Variants in EIF3H observed in about 807,000 individuals in gnomAD.
The protein encoded by EIF3H is eIF-3-gamma.
In EIF3H, 26 loss-of-function variants were observed where a neutral mutation model predicts 44.2. The observed-to-expected ratio is 0.59, with a 90% CI of 0.43 to 0.82. The LOEUF (loss-of-function observed/expected upper bound fraction) is 0.82, where lower values mean the gene tolerates loss of function less well. EIF3H is among the 40% of genes least tolerant of loss of function. The pLI is 0.00. For synonymous variants in EIF3H, 166 were observed against 151.9 expected (o/e 1.09, Z -0.68); for missense variants, 359 against 432.8 (o/e 0.83, Z 1.51).
At position 116,743,318 on chromosome 8, in the gene EIF3H, T is replaced by C. The variant is rs1393118199; in HGVS notation, c.132+12348A>G. On this transcript the variant is annotated intron_variant, in intron 1 of 7. Coordinates refer to ENST00000521861, the MANE Select transcript of EIF3H (RefSeq NM_003756.3). ...AAATAAAAAAATTAGCCAGGCAAGG[T>C]TGCACACACCTATAGTCCCAGCTAC... is the stretch of plus-strand genomic sequence containing the variant. Among the ~76,000 whole-genome samples the C allele has an allele frequency of 5.3e-5, 8 of 151,912 alleles. No individual in the cohort carries two copies. The East Asian group carries it at 1.6e-3, about 29-fold the overall frequency.
At chr8:116,727,129 G>A (rs1232184279) in intron 1 of EIF3H, among the ~76,000 whole-genome samples, 1 of 152,124 alleles carries the variant, frequency 6.6e-6, no homozygotes, top group African/African-American at 2.4e-5. Flanking sequence ...GAAGTAATGG[G>A]TGGGCCAGGC....
At chr8:116,734,505 C>G (rs1466742746) in intron 1 of EIF3H, among the ~76,000 whole-genome samples, 1 of 152,146 alleles carries the variant, frequency 6.6e-6, no homozygotes, top group Non-Finnish European at 1.5e-5. Context: ...GATACACGTT[C>G]ACGTTTTTAC....
At chr8:116,660,677 G>A (rs904885614) in intron 2 of EIF3H, among the ~76,000 whole-genome samples, 4 of 152,096 alleles carry the variant, frequency 2.6e-5, no homozygotes, top group Non-Finnish European at 5.9e-5. Context: ...CAGTTTAAGT[G>A]CCTGTTTTGA....
chr8:116,666,847 A>C (rs1563636871), intron 2 of EIF3H, among the ~76,000 whole-genome samples: 1 of 151,952 alleles, frequency 6.6e-6, no homozygotes, highest in African/African-American at 2.4e-5. Context: ...TATTAGATTA[A>C]TGTTAGCAGA....
intron 2 of EIF3H, among the ~76,000 whole-genome samples, chr8:116,682,420 C>CT (rs1398632013): frequency 6.6e-6 from 1 of 152,166 alleles, no homozygotes; most frequent in Non-Finnish European, 1.5e-5. Flanking sequence ...TCTTGCTTTA[C>CT]TTTTACACAG....
chr8:116,715,478 G>A (rs1814647088), intron 2 of EIF3H, among the ~76,000 whole-genome samples: 1 of 151,992 alleles, frequency 6.6e-6, no homozygotes. Flanking sequence ...CTGAATTTTA[G>A]GAGTACAAGG....
At chr8:116,681,393 C>A (rs1369135078) in intron 2 of EIF3H, among the ~76,000 whole-genome samples, 1 of 151,438 alleles carries the variant, frequency 6.6e-6, no homozygotes. Flanking sequence ...TATGACCGGG[C>A]ACAGTGGCTC....
upstream of EIF3H, among the ~76,000 whole-genome samples, chr8:116,758,671 A>G (rs953836464): frequency 1.3e-5 from 2 of 152,216 alleles, no homozygotes; most frequent in Non-Finnish European, 2.9e-5. Context: ...TATGTTCTCA[A>G]ATCACAATAG....
intron 1 of EIF3H, chr8:116,737,230 T>G (rs977276479): frequency 6.7e-6 from 3 of 446,628 alleles, no homozygotes; most frequent in Admixed American, 5.0e-5. Context: ...TGAAAAGATC[T>G]ACGAACCTCT....
At chr8:116,672,857 T>C (rs1029155329) in intron 2 of EIF3H, among the ~76,000 whole-genome samples, 1 of 152,094 alleles carries the variant, frequency 6.6e-6, no homozygotes, top group African/African-American at 2.4e-5. Context: ...ACACTTTAAA[T>C]TTTATTCCAG....
chr8:116,706,090 T>C (rs1398470855), intron 2 of EIF3H, among the ~76,000 whole-genome samples: 1 of 151,962 alleles, frequency 6.6e-6, no homozygotes, highest in African/African-American at 2.4e-5. Context: ...ATATTTCAAA[T>C]GTCAAATGAA....
intron 2 of EIF3H, among the ~76,000 whole-genome samples, chr8:116,676,572 G>A (rs1252905624): frequency 6.6e-6 from 1 of 152,172 alleles, no homozygotes; most frequent in Non-Finnish European, 1.5e-5. Flanking sequence ...TCTCTCCCTT[G>A]ACAAGTGGGG....
intron 1 of EIF3H, among the ~76,000 whole-genome samples, chr8:116,746,979 G>C (rs1413963415): frequency 6.6e-6 from 1 of 152,200 alleles, no homozygotes; most frequent in Non-Finnish European, 1.5e-5. Context: ...AACAACAGGG[G>C]ACATTTATTA....
chr8:116,687,882 A>G (rs1212927910), intron 2 of EIF3H, among the ~76,000 whole-genome samples: 3 of 152,172 alleles, frequency 2.0e-5, no homozygotes, highest in Non-Finnish European at 4.4e-5. Flanking sequence ...GACTACTGTC[A>G]GCATATCCTT....
intron 2 of EIF3H, chr8:116,697,187 C>T (rs1171894929): frequency 2.6e-5 from 12 of 456,080 alleles, no homozygotes; most frequent in Non-Finnish European, 5.3e-5. Context: ...CCTGTGTGTG[C>T]TTGTCCCTTT....
In EIF3H at chr8:116,689,166, A is replaced by G. The variant is rs868531270; in HGVS notation, c.290-30186T>C. 1.9e-5 allele frequency: 8 copies of G among 429,426 alleles called. 1 individual carries two copies. The Middle Eastern group carries it at 2.4e-3, about 127-fold the overall frequency. The allele number at this position is 429,426 out of a possible 1,614,324, so 26.6% of individuals were successfully genotyped here. ...CTTGAAAAGATCATTTTAGTGAAAT[A>G]AGTCAGAGACAAAAGGACAAATATT... On this transcript the variant is annotated intron_variant, in intron 2 of 7. Coordinates refer to ENST00000521861, the MANE Select transcript of EIF3H (RefSeq NM_003756.3).
chr8:116,745,438 C>T (rs1378466252), intron 1 of EIF3H, among the ~76,000 whole-genome samples: 1 of 152,164 alleles, frequency 6.6e-6, no homozygotes, highest in Non-Finnish European at 1.5e-5. Context: ...ACTGCATATG[C>T]TGCCTTAAAT....
chr8:116,655,886 T>A lies in EIF3H; in HGVS notation c.677A>T (p.Asp226Val), dbSNP rs532675105. The A allele has an allele frequency of 6.2e-7, 1 of 1,613,842 alleles. No individual in the cohort carries two copies. The highest frequency in any genetic ancestry group is 2.2e-5 in the East Asian group (1 of 44,852). ...WELEKKSAVA[D>V]KHELLSLASS... is the part of the protein sequence containing the mutation. ...GGCAAGGCTGAGCAATTCATGTTTA[T>A]CTGCAACAGCTGACTTCTTTTCAAG... The change falls in exon 5 of 8, where the codon GAT becomes GTT. Residue 226 changes from aspartate (D) to valine (V), a missense_variant. Physicochemically the swap from Asp to Val is radical, Grantham distance 152. Around this residue, in one of 5 missense-constraint regions of EIF3H, gnomAD observed 85 missense variants for 79.2 expected, o/e 1.07. Transcript: ENST00000521861.
intron 1 of EIF3H, among the ~76,000 whole-genome samples, chr8:116,739,637 G>A (rs543469562): frequency 6.6e-6 from 1 of 152,214 alleles, no homozygotes; most frequent in East Asian, 1.9e-4. Context: ...GCAACAGAGC[G>A]AGACTCCGTC....
Sources: gnomAD v4.1 joint callset for allele counts (sites outside exome capture counted in the v4.1 genomes callset) on GRCh38, gnomAD v4.1.1 for gene constraint, gnomAD v4.1.1 regional missense constraint, MANE v1.5 for transcripts, NCBI Gene and HGNC (gene_info 2026-07-23, HGNC 2026-07-21) for gene names.